MARCHF8: variants seen among roughly 807,000 people sequenced by gnomAD.
The protein encoded by MARCHF8 is membrane associated ring-CH-type finger 8, also known as E3 ubiquitin-protein ligase MARCHF8.
In MARCHF8, 40 loss-of-function variants were observed where a neutral mutation model predicts 51.6. The ratio of observed to expected loss-of-function variants is 0.77; its 90% CI spans 0.60 to 1.01. The LOEUF is 1.01. MARCHF8 is among the 50% of genes least tolerant of loss of function. The pLI, the probability that MARCHF8 is intolerant of heterozygous loss-of-function variation, is 0.00. For synonymous variants in MARCHF8, 263 were observed against 280.3 expected (o/e 0.94, Z 0.62); for missense variants, 685 against 708.6 (o/e 0.97, Z 0.38).
At chr10:45,492,745 G>A (rs1367441338) in intron 2 of MARCHF8, among the ~76,000 whole-genome samples, 1 of 152,182 alleles carries the variant, frequency 6.6e-6, no homozygotes, top group African/African-American at 2.4e-5. Context: ...TACTATGTGT[G>A]AACAACTGTG....
chr10:45,542,187 T>C (rs2044062631), intron 1 of MARCHF8, among the ~76,000 whole-genome samples: 1 of 151,422 alleles, frequency 6.6e-6, no homozygotes, highest in Admixed American at 6.6e-5. Flanking sequence ...CTACTAAAAA[T>C]ACAAAAAATT....
In MARCHF8 at chr10:45,463,903, T is replaced by C. The variant is rs1842880905; in HGVS notation, c.336A>G (p.Gln112=). The change falls in exon 5 of 8, where the codon CAA becomes CAG. Residue 112 remains glutamine, a synonymous_variant. Transcript: ENST00000453424. ...KAPHCQSSLT[Q]GLTVTVICKD... The stretch of plus-strand genomic sequence containing the variant: ...TACAGATAACTGTCACAGTGAGCCC[T>C]TGTGTCAGAGAACTCTGGCAGTGAG... The C allele has an allele frequency of 6.5e-7, 1 of 1,536,476 alleles. No homozygotes were observed. Among genetic ancestry groups the C allele is most frequent in the African/African-American group, 1.4e-5 (1 of 73,042 alleles).
At chr10:45,541,276 T>C (rs1441607157) in intron 1 of MARCHF8, among the ~76,000 whole-genome samples, 1 of 152,158 alleles carries the variant, frequency 6.6e-6, no homozygotes, top group African/African-American at 2.4e-5. Context: ...TGTAGGGACA[T>C]GGATGAAGCT....
In MARCHF8 at chr10:45,459,857, C is replaced by A. The variant is rs1842730346; in HGVS notation, c.1270-590G>T. On this transcript the variant is annotated intron_variant, in intron 6 of 7. Coordinates refer to ENST00000453424, the MANE Select transcript of MARCHF8 (RefSeq NM_001282866.2). ...GAGCTCATTAATTTACTCCAAATAG[C>A]CAGACTTTCTTTTTCATTTACTGGT... The A allele has an allele frequency of 4.1e-6, 4 of 985,320 alleles. No individual in the cohort carries two copies. The South Asian group carries it at 1.9e-4, about 46-fold the overall frequency. The allele number at this position is 985,320 out of a possible 1,614,324, so 61.0% of individuals were successfully genotyped here.
chr10:45,509,766 T>C (rs551527221), intron 2 of MARCHF8, among the ~76,000 whole-genome samples: 32 of 152,248 alleles, frequency 2.1e-4, no homozygotes, highest in African/African-American at 5.3e-4. Flanking sequence ...TTAGGATATT[T>C]TAGGGACCTC....
intron 1 of MARCHF8, among the ~76,000 whole-genome samples, chr10:45,567,828 T>A (rs1258106019): frequency 6.6e-6 from 1 of 152,220 alleles, no homozygotes; most frequent in Non-Finnish European, 1.5e-5. Flanking sequence ...AGAATGTCAT[T>A]GATATTTTGG....
At chr10:45,591,625 C>T (rs2044682376) in intron 1 of MARCHF8, among the ~76,000 whole-genome samples, 1 of 152,114 alleles carries the variant, frequency 6.6e-6, no homozygotes, top group South Asian at 2.1e-4. Context: ...ATGCGTGACA[C>T]ATTTAATAAA....
At chr10:45,542,995 A>C (rs1021760178) in intron 1 of MARCHF8, among the ~76,000 whole-genome samples, 1 of 152,242 alleles carries the variant, frequency 6.6e-6, no homozygotes, top group Non-Finnish European at 1.5e-5. Context: ...AAGGTGGTCT[A>C]CACTCACATT....
chr10:45,512,088 C>T (rs1223783651), intron 2 of MARCHF8, among the ~76,000 whole-genome samples: 6 of 151,048 alleles, frequency 4.0e-5, no homozygotes. Context: ...TGGGGAGCGC[C>T]TCTGCCCCGC....
chr10:45,472,951 G>C (rs912876950), intron 3 of MARCHF8, among the ~76,000 whole-genome samples: 41 of 152,182 alleles, frequency 2.7e-4, no homozygotes, highest in African/African-American at 9.9e-4. Context: ...GTTTTCTTCA[G>C]AATAAATTAA....
At chr10:45,509,737 C>A (rs1429414013) in intron 2 of MARCHF8, among the ~76,000 whole-genome samples, 1 of 152,126 alleles carries the variant, frequency 6.6e-6, no homozygotes, top group Non-Finnish European at 1.5e-5. Flanking sequence ...AAAGCCACTT[C>A]CTGGGAGGCC....
rs149752901 is a variant in MARCHF8, at chr10:45,565,157, G to A, written c.-79+29078C>T. 1.6e-3 allele frequency among the ~76,000 whole-genome samples: 248 copies of A among 152,242 alleles called. 1 individual carries two copies. The highest frequency in any genetic ancestry group is 5.8e-3 in the African/African-American group (241 of 41,546). ...ATAGGTGTACATAAAATACATGACA[G>A]TAGGCTGTCATCTCTGTAATCCCAG... On this transcript the variant is annotated intron_variant, in intron 1 of 6. Coordinates refer to the MARCHF8 transcript ENST00000319836.
chr10:45,557,995 A>G (rs952088278), intron 1 of MARCHF8, among the ~76,000 whole-genome samples: 1 of 152,224 alleles, frequency 6.6e-6, no homozygotes, highest in Admixed American at 6.5e-5. Flanking sequence ...TATGTAAGAA[A>G]TGTCAATGAT....
chr10:45,523,497 C>A (rs2043742805), intron 2 of MARCHF8, among the ~76,000 whole-genome samples: 1 of 152,180 alleles, frequency 6.6e-6, no homozygotes, highest in Non-Finnish European at 1.5e-5. Context: ...GCACTCCAGC[C>A]TGTGAGAGTG....
chr10:45,541,155 GACTTGGA>G (rs1166934318), intron 1 of MARCHF8, among the ~76,000 whole-genome samples: 1 of 152,138 alleles, frequency 6.6e-6, no homozygotes, highest in Non-Finnish European at 1.5e-5. Context: ...CAATAGCAAA[GACTTGGA>G]ACCAACCCAA....
intron 2 of MARCHF8, among the ~76,000 whole-genome samples, chr10:45,495,652 TAGG>T (rs2043160912): frequency 6.7e-6 from 1 of 150,294 alleles, no homozygotes; most frequent in African/African-American, 2.5e-5. Context: ...TTCCCCTGTC[TAGG>T]AGGAGTTTTA....
At chr10:45,578,383 A>T (rs555462250) in intron 1 of MARCHF8, among the ~76,000 whole-genome samples, 1 of 152,234 alleles carries the variant, frequency 6.6e-6, no homozygotes, top group Non-Finnish European at 1.5e-5. Flanking sequence ...TATCAAGATA[A>T]TAACAGTAAT....
chr10:45,546,269 C>T lies in MARCHF8; in HGVS notation c.-78-12980G>A, dbSNP rs190815685. 4.2e-3 allele frequency among the ~76,000 whole-genome samples: 637 copies of T among 151,984 alleles called. 2 individuals carry two copies. The highest frequency in any genetic ancestry group is 0.014 in the African/African-American group (562 of 41,472). On this transcript the variant is annotated intron_variant, in intron 1 of 6. Transcript: ENST00000319836. ...TCCACCTTCCTGGTTCAAGCGATTG[C>T]GCTGCCTCAGCCTCCCGAGTAGCTG...
At chr10:45,489,581 G>A (rs535999477) in intron 2 of MARCHF8, among the ~76,000 whole-genome samples, 164 bp from the exon 3 acceptor site, 1 of 151,988 alleles carries the variant, frequency 6.6e-6, no homozygotes, top group African/African-American at 2.4e-5. Flanking sequence ...AGTAAATATT[G>A]CACATTTGGG....
Sources: gnomAD v4.1 joint callset for allele counts (sites outside exome capture counted in the v4.1 genomes callset) on GRCh38, gnomAD v4.1.1 for gene constraint, MANE v1.5 for transcripts, NCBI Gene and HGNC (gene_info 2026-07-23, HGNC 2026-07-21) for gene names.